EIF4G3: variants seen among roughly 807,000 people sequenced by gnomAD.
The protein encoded by EIF4G3 is eukaryotic translation initiation factor 4 gamma 3.
A neutral mutation model predicts 186.4 loss-of-function variants in EIF4G3; 34 were observed. The observed-to-expected ratio is 0.18, with a 90% CI of 0.14 to 0.24. The LOEUF (loss-of-function observed/expected upper bound fraction) is 0.24, where lower values mean the gene tolerates loss of function less well. Ranked by LOEUF, EIF4G3 falls within the 10% of genes least tolerant of loss-of-function variation. The pLI is 1.00. For synonymous variants in EIF4G3, 673 were observed against 679.5 expected, an observed-to-expected ratio of 0.99 and a Z score of 0.15; for missense variants, 1,536 against 1,948.5, an observed-to-expected ratio of 0.79 and a Z score of 3.99.
intron 3 of EIF4G3, among the ~76,000 whole-genome samples, chr1:21,052,855 T>C (rs1235401474): frequency 6.6e-6 from 1 of 152,248 alleles, no homozygotes; most frequent in Non-Finnish European, 1.5e-5. Flanking sequence ...GGTGCCGGGA[T>C]GGCAGACGGA....
chr1:21,087,609 A>T (rs1029318610), intron 3 of EIF4G3, among the ~76,000 whole-genome samples: 6 of 151,776 alleles, frequency 4.0e-5, no homozygotes, highest in African/African-American at 1.5e-4. Flanking sequence ...CCTGAGCAAC[A>T]TCATAAAACC....
chr1:21,174,226 T>G (rs2098053241), intron 2 of EIF4G3, among the ~76,000 whole-genome samples: 1 of 152,254 alleles, frequency 6.6e-6, no homozygotes, highest in Non-Finnish European at 1.5e-5. Flanking sequence ...TAAATTTATC[T>G]CTTTAACAAG....
chr1:20,857,274 G>T (rs2075240947), intron 25 of EIF4G3, 129 bp downstream of exon 25: 2 of 725,842 alleles, frequency 2.8e-6, no homozygotes, highest in Non-Finnish European at 4.7e-6. Flanking sequence ...TTGCAATATT[G>T]CTGTTTTACT....
intron 4 of EIF4G3, among the ~76,000 whole-genome samples, chr1:21,013,593 G>C (rs904998701): frequency 2.0e-5 from 3 of 152,156 alleles, no homozygotes; most frequent in African/African-American, 7.2e-5. Flanking sequence ...GGATGTCACC[G>C]ATCTGCCAGT....
At chr1:21,100,174 A>AAGT (rs1557958707) in intron 2 of EIF4G3, among the ~76,000 whole-genome samples, 1 of 152,200 alleles carries the variant, frequency 6.6e-6, no homozygotes, top group African/African-American at 2.4e-5. Flanking sequence ...TAGAGGCAGA[A>AAGT]AGTAGATTAG....
intron 3 of EIF4G3, among the ~76,000 whole-genome samples, chr1:21,075,990 G>A (rs934591314): frequency 4.6e-5 from 7 of 152,032 alleles, no homozygotes; most frequent in Non-Finnish European, 7.4e-5. Context: ...CATTTTAAAC[G>A]AAAGACACCT....
intron 2 of EIF4G3, among the ~76,000 whole-genome samples, chr1:21,131,902 G>A (rs941320597): frequency 6.6e-6 from 1 of 151,858 alleles, no homozygotes; most frequent in Non-Finnish European, 1.5e-5. Flanking sequence ...AGCCTAGGAG[G>A]TCAAGGCTGT....
intron 4 of EIF4G3, among the ~76,000 whole-genome samples, chr1:21,025,488 A>C (rs2091941667): frequency 6.6e-6 from 1 of 152,154 alleles, no homozygotes; most frequent in Non-Finnish European, 1.5e-5. Context: ...CATATATTAT[A>C]GAAACAGCAG....
chr1:20,971,020 G>A (rs1034793351), intron 11 of EIF4G3, among the ~76,000 whole-genome samples: 1 of 152,204 alleles, frequency 6.6e-6, no homozygotes, highest in African/African-American at 2.4e-5. Flanking sequence ...TCATTAAGAT[G>A]TGCTGGTAGG....
intron 2 of EIF4G3, among the ~76,000 whole-genome samples, chr1:21,132,684 C>T (rs1025067837): frequency 1.3e-5 from 2 of 152,148 alleles, no homozygotes; most frequent in Admixed American, 6.6e-5. Flanking sequence ...AAGCAATCCT[C>T]TCATCTCAGC....
intron 2 of EIF4G3, among the ~76,000 whole-genome samples, chr1:21,159,398 C>G (rs1169141702): frequency 6.7e-6 from 1 of 148,368 alleles, no homozygotes. Flanking sequence ...TATGATCAAA[C>G]TTCACTTCAG....
chr1:20,971,989 C>T (rs1011326768), intron 11 of EIF4G3, among the ~76,000 whole-genome samples: 1 of 152,066 alleles, frequency 6.6e-6, no homozygotes, highest in African/African-American at 2.4e-5. Context: ...CTATAAATCA[C>T]CCCACCTATC....
Position 21,111,418 on chromosome 1 carries a change from G to A in EIF4G3, c.-271-22205C>T, listed in dbSNP as rs538228015. 1.7e-3 allele frequency: 786 copies of A among 470,308 alleles called. 2 individuals carry two copies. The highest frequency in any genetic ancestry group is 2.4e-3 in the Non-Finnish European group (547 of 226,796). The allele number at this position is 470,308 out of a possible 1,614,324, so 29.1% of individuals were successfully genotyped here. A position where few individuals can be genotyped will look rare whatever the true frequency, so the allele number is the denominator to read the frequency against. ...ATTAGCAAAATAAGGCTTATGATGG[G>A]CTTAGCACATACTAAGCAGTATTTC... On this transcript the variant is annotated intron_variant, in intron 2 of 36. Transcript: ENST00000602326.
chr1:20,978,677 CAAAAAAAAA>C (rs10603153), intron 10 of EIF4G3, among the ~76,000 whole-genome samples: 1 of 106,320 alleles, frequency 9.4e-6, no homozygotes, highest in Non-Finnish European at 1.9e-5. Flanking sequence ...TTTATCAGAT[CAAAAAAAAA>C]AAAAAAAAAA....
chr1:21,024,541 C>T (rs1341246509), intron 4 of EIF4G3, among the ~76,000 whole-genome samples: 10 of 150,680 alleles, frequency 6.6e-5, no homozygotes, highest in African/African-American at 2.2e-4. Context: ...TTTTGTTCTG[C>T]ACTAAGAAAA....
chr1:21,101,911 T>A (rs1422949456), intron 2 of EIF4G3, among the ~76,000 whole-genome samples: 1 of 152,148 alleles, frequency 6.6e-6, no homozygotes, highest in Non-Finnish European at 1.5e-5. Flanking sequence ...TTTCTTTTCA[T>A]CACACTTGAG....
intron 2 of EIF4G3, chr1:21,175,902 G>A (rs1012279911): frequency 1.1e-5 from 2 of 182,242 alleles, no homozygotes; most frequent in Non-Finnish European, 1.1e-5. Context: ...GGGAGGAGGG[G>A]AGAAGGGACC....
intron 2 of EIF4G3, among the ~76,000 whole-genome samples, chr1:21,108,804 G>C (rs942716507): frequency 6.6e-6 from 1 of 150,848 alleles, no homozygotes; most frequent in Non-Finnish European, 1.5e-5. Context: ...TCAGGAGGCT[G>C]AGGCAGGAGA....
chr1:20,896,158 A>G (rs1470120123), intron 16 of EIF4G3, among the ~76,000 whole-genome samples: 1 of 152,202 alleles, frequency 6.6e-6, no homozygotes. Context: ...ATATAGAATA[A>G]GGATATAAAG....
Sources: allele counts gnomAD v4.1 joint callset (sites outside exome capture counted in the v4.1 genomes callset), GRCh38; gene constraint gnomAD v4.1.1; transcripts MANE v1.5; gene names NCBI Gene and HGNC (gene_info 2026-07-23, HGNC 2026-07-21).